The following RPS6KA5 variants were observed in gnomAD, a reference collection of about 807,000 sequenced individuals.
The protein encoded by RPS6KA5 is ribosomal protein S6 kinase A5, also known as ribosomal protein S6 kinase alpha-5.
A neutral mutation model predicts 85.5 loss-of-function variants in RPS6KA5; 27 were observed. The ratio of observed to expected loss-of-function variants is 0.32; its 90% CI spans 0.23 to 0.44. The LOEUF is 0.44. Ranked by LOEUF, RPS6KA5 falls within the 20% of genes least tolerant of loss-of-function variation. RPS6KA5 has a pLI of 1.00. For missense variants in RPS6KA5, 811 were observed against 980.9 expected, an observed-to-expected ratio of 0.83 and a Z score of 2.31; for synonymous variants, 334 against 348.2, an observed-to-expected ratio of 0.96 and a Z score of 0.46.
In RPS6KA5 at chr14:90,964,478, A is replaced by G. The variant is rs1031016474; in HGVS notation, c.394+13828T>C. On this transcript the variant is annotated intron_variant, in intron 3 of 16. Coordinates refer to ENST00000614987, the MANE Select transcript of RPS6KA5 (RefSeq NM_004755.4). The stretch of plus-strand genomic sequence containing the variant: ...TAAAATGCTTTTTGACTGTGAGCAC[A>G]GAAGTGTAGGATTTTCTGGCCTACA... Among the ~76,000 whole-genome samples, 6 of 152,392 alleles carry G rather than the reference A, an allele frequency of 3.9e-5. No homozygotes were observed. In the South Asian group the frequency reaches 1.2e-3, roughly 32 times the overall value.
At chr14:90,924,458 T>C (rs2036557248) in intron 5 of RPS6KA5, among the ~76,000 whole-genome samples, 2 of 152,178 alleles carry the variant, frequency 1.3e-5, no homozygotes, top group Admixed American at 6.5e-5. Context: ...CCATAAAACA[T>C]ATTCCAGAGT....
intron 5 of RPS6KA5, among the ~76,000 whole-genome samples, chr14:90,928,119 G>A (rs1326565319): frequency 6.6e-6 from 1 of 151,606 alleles, no homozygotes; most frequent in Non-Finnish European, 1.5e-5. Flanking sequence ...GTAGAGAGAC[G>A]CAGTTTTGCT....
intron 14 of RPS6KA5, among the ~76,000 whole-genome samples, chr14:90,882,901 G>A (rs73324627): frequency 0.13 from 19,827 of 151,676 alleles, 1,961 homozygotes; most frequent in African/African-American, 0.27. Context: ...AAGTTCAAAC[G>A]ATTCTCCTGC....
chr14:90,847,970 C>G lies in RPS6KA5; in HGVS notation c.*24104G>C, dbSNP rs887546312. The G allele has an allele frequency of 6.6e-5, 10 of 152,142 alleles. No individual in the cohort carries two copies. The highest frequency in any genetic ancestry group is 1.0e-4 in the Non-Finnish European group (7 of 68,020). 9.4% of individuals were successfully genotyped at this position (152,142 alleles called of 1,614,324 possible). On this transcript the variant is annotated 3_prime_UTR_variant, in exon 17 of 17. Coordinates refer to ENST00000614987, the MANE Select transcript of RPS6KA5 (RefSeq NM_004755.4). ...CCTTACTGCTTTGTTAAAAATAAAA[C>G]CCATACATAAAGCTTTCCGGTCAAA...
intron 7 of RPS6KA5, 150 bp downstream of exon 7, chr14:90,920,056 T>C (rs967208640): frequency 1.9e-5 from 13 of 676,386 alleles, no homozygotes; most frequent in African/African-American, 1.3e-4. Flanking sequence ...CATATCTATA[T>C]GCCATATGAT....
intron 3 of RPS6KA5, among the ~76,000 whole-genome samples, chr14:90,976,508 CAT>C (rs1233641922): frequency 6.6e-6 from 1 of 152,100 alleles, no homozygotes; most frequent in Admixed American, 6.6e-5. Context: ...ATTTGTTTTC[CAT>C]TTGAATTTCT....
intron 7 of RPS6KA5, among the ~76,000 whole-genome samples, chr14:90,908,264 G>C (rs528816438): frequency 6.6e-6 from 1 of 152,344 alleles, no homozygotes; most frequent in East Asian, 1.9e-4. Context: ...CAGGGAGCTA[G>C]AATTTTAAAT....
At chr14:91,008,855 T>C (rs2041139834) in intron 1 of RPS6KA5, among the ~76,000 whole-genome samples, 1 of 152,166 alleles carries the variant, frequency 6.6e-6, no homozygotes, top group Non-Finnish European at 1.5e-5. Context: ...TAATGTACAA[T>C]GTGCATAGAA....
intron 1 of RPS6KA5, among the ~76,000 whole-genome samples, chr14:91,041,001 T>C (rs538306837): frequency 3.8e-4 from 58 of 152,156 alleles, no homozygotes; most frequent in Non-Finnish European, 7.6e-4. Flanking sequence ...TCAACTGCTC[T>C]TGCAAAAACT....
chr14:90,987,501 T>C (rs532354821), intron 2 of RPS6KA5, among the ~76,000 whole-genome samples: 1 of 152,060 alleles, frequency 6.6e-6, no homozygotes, highest in East Asian at 1.9e-4. Flanking sequence ...AAAAAAAAGA[T>C]TGGAGGGAAA....
At chr14:90,937,384 A>T (rs889165485) in intron 5 of RPS6KA5, among the ~76,000 whole-genome samples, 2 of 152,150 alleles carry the variant, frequency 1.3e-5, no homozygotes, top group Non-Finnish European at 2.9e-5. Context: ...GACAATAGCT[A>T]GGCGGGAATA....
intron 1 of RPS6KA5, among the ~76,000 whole-genome samples, chr14:91,022,535 G>T (rs1037994336): frequency 2.0e-5 from 3 of 152,138 alleles, no homozygotes; most frequent in African/African-American, 7.2e-5. Context: ...AAAAGGTTGA[G>T]CATCTAAGAA....
chr14:90,970,291 T>C (rs2039259972), intron 3 of RPS6KA5, among the ~76,000 whole-genome samples: 1 of 152,258 alleles, frequency 6.6e-6, no homozygotes, highest in African/African-American at 2.4e-5. Flanking sequence ...TGTTTCGTCA[T>C]ACTAGTGACT....
chr14:90,946,377 C>T (rs533445209), intron 4 of RPS6KA5, among the ~76,000 whole-genome samples: 1 of 152,192 alleles, frequency 6.6e-6, no homozygotes, highest in Admixed American at 6.5e-5. Flanking sequence ...AAGATTCCTA[C>T]CCTTGAACCA....
intron 1 of RPS6KA5, among the ~76,000 whole-genome samples, chr14:91,005,370 T>G (rs1200871197): frequency 6.6e-6 from 1 of 152,218 alleles, no homozygotes; most frequent in Non-Finnish European, 1.5e-5. Context: ...ATCTCAGAGC[T>G]CTTGAACTTA....
chr14:91,000,708 A>T (rs995830353), intron 2 of RPS6KA5, among the ~76,000 whole-genome samples: 3 of 152,168 alleles, frequency 2.0e-5, no homozygotes, highest in Admixed American at 1.3e-4. Flanking sequence ...AGGCTGAGGC[A>T]GGAGAATCGC....
Position 90,899,325 on chromosome 14 carries a change from A to T in RPS6KA5, c.1473+4T>A, listed in dbSNP as rs1366215509. ...GGGAAAAAAAAAAAAAAAAAGTAGG[A>T]TACCTGATCATGAAAAACTTCATGC... On this transcript the variant is annotated splice_donor_region_variant and intron_variant, in intron 12 of 16. Coordinates refer to ENST00000614987, the MANE Select transcript of RPS6KA5 (RefSeq NM_004755.4). The T allele has an allele frequency of 6.5e-7, 1 of 1,536,838 alleles. No individual in the cohort carries two copies. The highest frequency in any genetic ancestry group is 8.9e-7 in the Non-Finnish European group (1 of 1,121,196).
At chr14:91,026,563 C>T (rs1017874124) in intron 1 of RPS6KA5, among the ~76,000 whole-genome samples, 6 of 152,156 alleles carry the variant, frequency 3.9e-5, no homozygotes, top group East Asian at 1.9e-4. Context: ...CCACCAATGA[C>T]GGGCACCCAC....
intron 3 of RPS6KA5, among the ~76,000 whole-genome samples, chr14:90,961,749 G>T (rs1314981030): frequency 6.6e-6 from 1 of 151,778 alleles, no homozygotes; most frequent in African/African-American, 2.4e-5. Context: ...TAGATTTTAT[G>T]GCACAGAACT....
Sources: gnomAD v4.1 joint callset for allele counts (sites outside exome capture counted in the v4.1 genomes callset) on GRCh38, gnomAD v4.1.1 for gene constraint, MANE v1.5 for transcripts, NCBI Gene and HGNC (gene_info 2026-07-23, HGNC 2026-07-21) for gene names.